COL4A2: variants seen among roughly 807,000 people sequenced by gnomAD.
COL4A2 encodes the protein collagen type IV alpha 2 chain.
COL4A2 carries 99 observed loss-of-function variants against 200.2 expected under a neutral mutation model. The observed-to-expected ratio is 0.49, with a 90% confidence interval of 0.42 to 0.58. The LOEUF is 0.58. Among genes scored for constraint, COL4A2 ranks in the 20% least tolerant of loss-of-function variants. The pLI, the probability that COL4A2 is intolerant of heterozygous loss-of-function variation, is 0.00. For missense variants in COL4A2, 1,950 were observed against 2,314.1 expected, an observed-to-expected ratio of 0.84 and a Z score of 3.23; for synonymous variants, 897 against 900.6, an observed-to-expected ratio of 1.00 and a Z score of 0.07.
intron 3 of COL4A2, among the ~76,000 whole-genome samples, chr13:110,339,704 C>T (rs116737779): frequency 6.6e-6 from 1 of 152,290 alleles, no homozygotes; most frequent in African/African-American, 2.4e-5. Flanking sequence ...ACCTGGTATC[C>T]TCAGTCTTAG....
chr13:110,508,071 C>T lies in COL4A2; in HGVS notation c.4731C>T (p.Pro1577=), dbSNP rs72659607. The T allele has an allele frequency of 8.1e-5, 130 of 1,614,250 alleles. No homozygotes were observed. Among genetic ancestry groups the T allele is most frequent in the Non-Finnish European group, 1.0e-4 (120 of 1,180,050 alleles). ...LSTTAPLPMM[P]VAEDEIKPYI... ...CCACTGCGCCGCTGCCCATGATGCC[C>T]GTGGCCGAGGACGAGATCAAGCCCT... Residue 1577 remains proline (P), a synonymous_variant, in exon 47 of 48, where the codon CCC becomes CCT. Coordinates refer to ENST00000360467, the MANE Select transcript of COL4A2 (RefSeq NM_001846.4). The surrounding 1 kb of genome is among the most constrained non-coding windows in gnomAD (Gnocchi z 6.1).
chr13:110,357,261 T>G (rs1465722258), intron 3 of COL4A2, among the ~76,000 whole-genome samples: 1 of 151,836 alleles, frequency 6.6e-6, no homozygotes. Flanking sequence ...GAGACAGGGG[T>G]ATATTGGAAA....
At chr13:110,453,153 G>C (rs1331500395) in intron 20 of COL4A2, among the ~76,000 whole-genome samples, 2 of 152,116 alleles carry the variant, frequency 1.3e-5, no homozygotes, top group African/African-American at 2.4e-5. Flanking sequence ...TATCTTTTGA[G>C]TTTTCTTTTT....
chr13:110,342,378 A>C (rs772138314), intron 3 of COL4A2, among the ~76,000 whole-genome samples: 4 of 152,210 alleles, frequency 2.6e-5, no homozygotes, highest in Non-Finnish European at 4.4e-5. Flanking sequence ...TAAAGCATGC[A>C]AGTGTCTCCA....
At chr13:110,334,013 C>T (rs1303848811) in intron 3 of COL4A2, among the ~76,000 whole-genome samples, 3 of 152,230 alleles carry the variant, frequency 2.0e-5, no homozygotes, top group Non-Finnish European at 4.4e-5. Context: ...GACTTGGGTG[C>T]TGGCCCCATG....
At chr13:110,353,694 T>A (rs1877060201) in intron 3 of COL4A2, among the ~76,000 whole-genome samples, 1 of 152,194 alleles carries the variant, frequency 6.6e-6, no homozygotes, top group South Asian at 2.1e-4. Context: ...TTCCAAAGTG[T>A]GGTACTTCGG....
intron 4 of COL4A2, among the ~76,000 whole-genome samples, chr13:110,386,501 C>T (rs1878757747): frequency 6.6e-6 from 1 of 152,096 alleles, no homozygotes; most frequent in South Asian, 2.1e-4. Context: ...TCTTTGATCC[C>T]TCCTTGTCTG....
intron 3 of COL4A2, among the ~76,000 whole-genome samples, chr13:110,343,884 A>G (rs1181651295): frequency 6.6e-6 from 1 of 152,218 alleles, no homozygotes; most frequent in African/African-American, 2.4e-5. Flanking sequence ...TCTGGAATAA[A>G]TAGCTTCAAG....
At chr13:110,381,138 C>T (rs1043388155) in intron 4 of COL4A2, among the ~76,000 whole-genome samples, 2 of 151,506 alleles carry the variant, frequency 1.3e-5, no homozygotes, top group Non-Finnish European at 2.9e-5. Flanking sequence ...GGCTCTATCT[C>T]ACACCCATGG....
rs367845897 is a variant in COL4A2 at position 110,385,716 on chromosome 13, A to G, written c.180+28164A>G. On this transcript the variant is annotated intron_variant, in intron 4 of 47. Transcript: ENST00000360467. ...TACAGTGTGTGGATAGGCCGTGGTTACAGTGTGTGGATAGGCCGTGGTTGC... is the reference window on the plus strand; with the variant it reads ...TACAGTGTGTGGATAGGCCGTGGTTGCAGTGTGTGGATAGGCCGTGGTTGC... Among the ~76,000 whole-genome samples, 64 of 54,708 alleles carry G rather than the reference A, an allele frequency of 1.2e-3. 5 individuals carry two copies. Among genetic ancestry groups the G allele is most frequent in the South Asian group, 2.4e-3 (4 of 1,654 alleles). 35.9% of individuals were successfully genotyped at this position (54,708 alleles called of 152,430 possible). A position where few individuals can be genotyped will look rare whatever the true frequency, so the allele number is the denominator to read the frequency against.
At chr13:110,472,153 T>C (rs1448119168) in intron 28 of COL4A2, among the ~76,000 whole-genome samples, 2 of 64,688 alleles carry the variant, frequency 3.1e-5, no homozygotes, top group Non-Finnish European at 4.3e-5. Flanking sequence ...TCTCACTCTG[T>C]CGCCCAGGCT....
intron 3 of COL4A2, among the ~76,000 whole-genome samples, chr13:110,329,481 C>T (rs889081469): frequency 1.8e-4 from 28 of 152,294 alleles, no homozygotes; most frequent in African/African-American, 5.1e-4. Context: ...TCCCTCACTG[C>T]GGGTGCCACA....
chr13:110,482,462 G>A (rs544732591), intron 31 of COL4A2, 54 bp from the exon 32 acceptor site: 6 of 1,570,998 alleles, frequency 3.8e-6, no homozygotes, highest in East Asian at 2.3e-5. Flanking sequence ...AGACTGAAAT[G>A]TCCCATGCAT....
At chr13:110,485,299 G>A (rs745993804) in intron 33 of COL4A2, among the ~76,000 whole-genome samples, 12 of 152,112 alleles carry the variant, frequency 7.9e-5, no homozygotes, top group Non-Finnish European at 1.3e-4. Flanking sequence ...CGAGGCGGGT[G>A]GATCACAAGG....
Position 110,307,794 on chromosome 13 carries a change from G to A in COL4A2, c.-44-66G>A, listed in dbSNP as rs577102041. 1.4e-6 allele frequency: 2 copies of A among 1,417,764 alleles called. No individual in the cohort carries two copies. Among genetic ancestry groups the A allele is most frequent in the East Asian group, 2.5e-5 (1 of 40,684 alleles). The allele number at this position is 1,417,764 out of a possible 1,614,324, so 87.8% of individuals were successfully genotyped here. ...GCTGTCCCCGCGTCTCGCGGACCGA[G>A]ACCGGCGGTGAGGATGGGCTGCCTC... On this transcript the variant is annotated intron_variant, in intron 1 of 47. Coordinates refer to ENST00000360467, the MANE Select transcript of COL4A2 (RefSeq NM_001846.4). This position sits in a 1 kb window ranked among gnomAD's most constrained non-coding sequence, Gnocchi z 5.0.
At chr13:110,476,187 T>C (rs1882696930) in intron 29 of COL4A2, among the ~76,000 whole-genome samples, 1 of 150,800 alleles carries the variant, frequency 6.6e-6, no homozygotes, top group African/African-American at 2.4e-5. Flanking sequence ...CCCATTGTTC[T>C]TGTCAATGAG....
chr13:110,429,784 C>G, intron 7 of COL4A2, 101 bp from the exon 8 acceptor site: 1 of 1,183,984 alleles, frequency 8.4e-7, no homozygotes. Flanking sequence ...AGACCTTGCC[C>G]ACAAAAGTCA....
chr13:110,386,157 G>T (rs1293096592), intron 4 of COL4A2, among the ~76,000 whole-genome samples: 1 of 152,216 alleles, frequency 6.6e-6, no homozygotes, highest in East Asian at 1.9e-4. Context: ...TGCAGTTATG[G>T]GTAGACCGTG....
At chr13:110,438,141 C>CA in intron 14 of COL4A2, 104 bp downstream of exon 14, 1 of 840,858 alleles carries the variant, frequency 1.2e-6, no homozygotes, top group Admixed American at 2.2e-5. Context: ...CGCACACCGC[C>CA]AGTCTCTCAT....
Sources: gnomAD v4.1 joint callset for allele counts (sites outside exome capture counted in the v4.1 genomes callset) on GRCh38, gnomAD v4.1.1 for gene constraint, Gnocchi (gnomAD v3.1) non-coding constraint, MANE v1.5 for transcripts, NCBI Gene and HGNC (gene_info 2026-07-23, HGNC 2026-07-21) for gene names.